The following SLC24A2 variants were observed in gnomAD, a reference collection of about 807,000 sequenced individuals.
The protein encoded by SLC24A2 is solute carrier family 24 member 2.
In SLC24A2, 36 loss-of-function variants were observed where a neutral mutation model predicts 62.0. The ratio of observed to expected loss-of-function variants is 0.58; its 90% CI spans 0.44 to 0.77. SLC24A2 has a LOEUF of 0.77. Among genes scored for constraint, SLC24A2 ranks in the 30% least tolerant of loss-of-function variants. The pLI is 0.00. For missense variants in SLC24A2, 846 were observed against 817.9 expected (o/e 1.03, Z -0.42); for synonymous variants, 358 against 294.0 (o/e 1.22, Z -2.23).
At chr9:20,004,310 G>A in the SLC24A2 span, among the ~76,000 whole-genome samples, 7 of 152,188 alleles carry the variant, frequency 4.6e-5, no homozygotes, top group Admixed American at 1.3e-4. Flanking sequence ...TTTGTTGACC[G>A]GTGTTCAGCT....
the SLC24A2 span, among the ~76,000 whole-genome samples, chr9:20,078,906 C>T: frequency 6.6e-6 from 1 of 152,200 alleles, no homozygotes; most frequent in African/African-American, 2.4e-5. Context: ...TATAATTATA[C>T]TTCCTGGAAT....
Position 19,544,526 on chromosome 9 carries a change from G to T in SLC24A2, c.1479+5611C>A, listed in dbSNP as rs1213434305. Among the ~76,000 whole-genome samples the T allele has an allele frequency of 2.0e-5, 3 of 152,204 alleles. No individual in the cohort carries two copies. In the East Asian group the frequency reaches 5.8e-4, roughly 29 times the overall value. On this transcript the variant is annotated intron_variant, in intron 8 of 10. Transcript: ENST00000341998. The stretch of plus-strand genomic sequence containing the variant: ...GTTGATGTTGTTTCTTTATAGTGTT[G>T]ATGGTCTTTACAATTTGGTATGTTT...
chr9:19,693,237 C>A (rs1026702953), intron 2 of SLC24A2, among the ~76,000 whole-genome samples: 3 of 152,018 alleles, frequency 2.0e-5, no homozygotes, highest in African/African-American at 7.2e-5. Flanking sequence ...GACACACGCA[C>A]ATGTATGTTT....
the SLC24A2 span, among the ~76,000 whole-genome samples, chr9:20,155,070 G>C: frequency 6.7e-6 from 1 of 148,416 alleles, no homozygotes; most frequent in Non-Finnish European, 1.5e-5. Flanking sequence ...ATCAAGGAAA[G>C]AAGGAAGGCA....
chr9:19,930,865 G>A, the SLC24A2 span, among the ~76,000 whole-genome samples: 2 of 152,072 alleles, frequency 1.3e-5, no homozygotes, highest in African/African-American at 4.8e-5. Context: ...AAGTGTTCTG[G>A]TTCTTTTAGC....
chr9:19,573,469 T>G lies in SLC24A2; in HGVS notation c.1229A>C (p.Glu410Ala). ...ERQNGAANHV[E>A]KIELPNSTST... is the part of the protein sequence containing the mutation. ...GGTGCTGTTTGGAAGCTCAATTTTT[T>G]CTGTGATATAATTTAAACACACACA... Residue 410 changes from glutamate to alanine, a missense_variant and splice_region_variant, in exon 7 of 11, where the codon GAA becomes GCA. Physicochemically the swap from Glu to Ala is moderately radical, Grantham distance 107. Transcript: ENST00000341998. The G allele has an allele frequency of 6.4e-7, 1 of 1,559,542 alleles. No individual in the cohort carries two copies. The highest frequency in any genetic ancestry group is 8.8e-7 in the Non-Finnish European group (1 of 1,133,264).
chr9:19,818,352 T>C, the SLC24A2 span, among the ~76,000 whole-genome samples: 1 of 152,096 alleles, frequency 6.6e-6, no homozygotes, highest in Non-Finnish European at 1.5e-5. Context: ...TTCAATGGGA[T>C]AAATCTGCTC....
At chr9:19,872,359 C>T in the SLC24A2 span, among the ~76,000 whole-genome samples, 2 of 152,108 alleles carry the variant, frequency 1.3e-5, no homozygotes, top group African/African-American at 4.8e-5. Context: ...CAAATCATTC[C>T]GAAGGATAAA....
At chr9:19,753,968 T>C (rs1037987193) in intron 2 of SLC24A2, among the ~76,000 whole-genome samples, 5 of 152,198 alleles carry the variant, frequency 3.3e-5, no homozygotes, top group African/African-American at 9.6e-5. Flanking sequence ...CCAAGCAGTA[T>C]TTTTAGCAGC....
the SLC24A2 span, among the ~76,000 whole-genome samples, chr9:20,075,707 T>C: frequency 2.6e-5 from 4 of 151,618 alleles, no homozygotes; most frequent in Non-Finnish European, 5.9e-5. Flanking sequence ...CAGGGGGGGA[T>C]ACACTTGCAC....
chr9:19,903,793 G>A, the SLC24A2 span, among the ~76,000 whole-genome samples: 760 of 152,290 alleles, frequency 5.0e-3, 10 homozygotes, highest in African/African-American at 0.017. Flanking sequence ...GCAAAAAAGC[G>A]GTGGAAGGGA....
At chr9:19,988,534 G>GT in the SLC24A2 span, among the ~76,000 whole-genome samples, 1 of 152,134 alleles carries the variant, frequency 6.6e-6, no homozygotes, top group African/African-American at 2.4e-5. Context: ...TGGTGCCATT[G>GT]TTTTTTACAA....
At chr9:20,204,774 C>T in the SLC24A2 span, among the ~76,000 whole-genome samples, 36 of 143,924 alleles carry the variant, frequency 2.5e-4, no homozygotes, top group East Asian at 1.6e-3. Flanking sequence ...GACAGAGTCT[C>T]GTTCTGTCAC....
chr9:19,565,058 A>G (rs998766714), intron 7 of SLC24A2, among the ~76,000 whole-genome samples: 3 of 152,152 alleles, frequency 2.0e-5, no homozygotes, highest in African/African-American at 7.2e-5. Flanking sequence ...GGCACAAGAC[A>G]GGGATGTCTT....
the SLC24A2 span, among the ~76,000 whole-genome samples, chr9:19,949,744 G>T: frequency 6.6e-6 from 1 of 152,294 alleles, no homozygotes; most frequent in African/African-American, 2.4e-5. Context: ...ACATAGACAT[G>T]GTGGTGGTTC....
the SLC24A2 span, among the ~76,000 whole-genome samples, chr9:19,794,387 T>C: frequency 6.6e-6 from 1 of 151,988 alleles, no homozygotes; most frequent in Non-Finnish European, 1.5e-5. Context: ...CACTTATAAG[T>C]GGGAACTAAA....
intron 2 of SLC24A2, among the ~76,000 whole-genome samples, chr9:19,638,099 G>A (rs971782481): frequency 6.6e-6 from 1 of 152,172 alleles, no homozygotes; most frequent in Non-Finnish European, 1.5e-5. Context: ...GGCTCAGTAA[G>A]AAGAGTAAAT....
the SLC24A2 span, among the ~76,000 whole-genome samples, chr9:19,806,238 C>T: frequency 3.9e-5 from 6 of 152,070 alleles, no homozygotes; most frequent in East Asian, 1.9e-4. Context: ...GGAGTGCACC[C>T]GCAGATCAGG....
chr9:20,002,643 A>G, the SLC24A2 span, among the ~76,000 whole-genome samples: 3 of 152,204 alleles, frequency 2.0e-5, no homozygotes, highest in Non-Finnish European at 4.4e-5. Context: ...TCTCTTAACC[A>G]CAGATGGGAC....
Sources: allele counts gnomAD v4.1 joint callset (sites outside exome capture counted in the v4.1 genomes callset), GRCh38; gene constraint gnomAD v4.1.1; transcripts MANE v1.5; gene names NCBI Gene and HGNC (gene_info 2026-07-23, HGNC 2026-07-21).